Variants in TMEM132D observed in about 807,000 individuals in gnomAD.
TMEM132D encodes the protein mature OL transmembrane protein.
A neutral mutation model predicts 62.3 loss-of-function variants in TMEM132D; 21 were observed. The observed-to-expected ratio is 0.34, with a 90% CI of 0.24 to 0.49. The LOEUF is 0.49. Among genes scored for constraint, TMEM132D ranks in the 20% least tolerant of loss-of-function variants. TMEM132D has a pLI of 0.99. For synonymous variants in TMEM132D, 621 were observed against 575.6 expected (o/e 1.08, Z -1.13); for missense variants, 1,346 against 1,402.8 (o/e 0.96, Z 0.65).
intron 3 of TMEM132D, among the ~76,000 whole-genome samples, chr12:129,526,022 G>T (rs756571379): frequency 6.6e-6 from 1 of 152,122 alleles, no homozygotes; most frequent in Non-Finnish European, 1.5e-5. Flanking sequence ...TTCATTTAGT[G>T]GATAACAGCC....
chr12:129,735,029 G>A (rs902247208), intron 1 of TMEM132D, among the ~76,000 whole-genome samples: 5 of 151,920 alleles, frequency 3.3e-5, no homozygotes, highest in Non-Finnish European at 7.4e-5. Flanking sequence ...TTTACAGTAC[G>A]ACGACAAAAA....
At chr12:129,084,424 C>G in intron 6 of TMEM132D, 73 bp downstream of exon 6, 2 of 1,437,346 alleles carry the variant, frequency 1.4e-6, no homozygotes, top group South Asian at 2.9e-5. Context: ...ATCCTCAGAC[C>G]CAGTCATGCC....
intron 1 of TMEM132D, among the ~76,000 whole-genome samples, chr12:129,886,046 CTG>C (rs1322468691): frequency 6.6e-6 from 1 of 152,176 alleles, no homozygotes; most frequent in Non-Finnish European, 1.5e-5. Flanking sequence ...TTTCTCCTCA[CTG>C]TAAGATTCTC....
chr12:129,610,350 G>A (rs141774512), intron 2 of TMEM132D, among the ~76,000 whole-genome samples: 33 of 151,234 alleles, frequency 2.2e-4, no homozygotes, highest in Admixed American at 6.6e-4. Context: ...GAATTGACAC[G>A]TGCATTATAC....
intron 4 of TMEM132D, among the ~76,000 whole-genome samples, chr12:129,329,265 C>T (rs1869024249): frequency 6.6e-6 from 1 of 152,000 alleles, no homozygotes; most frequent in South Asian, 2.1e-4. Context: ...TCAACAAACA[C>T]ACAATGCAAG....
chr12:129,623,652 T>TATATATATATAC (rs1256759010), intron 2 of TMEM132D, among the ~76,000 whole-genome samples: 1 of 145,506 alleles, frequency 6.9e-6, no homozygotes, highest in Admixed American at 6.9e-5. Context: ...TGTATGTGTG[T>TATATATATATAC]ATATATATAT....
intron 3 of TMEM132D, among the ~76,000 whole-genome samples, chr12:129,516,622 C>T (rs774752790): frequency 9.2e-5 from 14 of 152,160 alleles, no homozygotes; most frequent in Non-Finnish European, 2.1e-4. Flanking sequence ...CCCACTGGGT[C>T]CTTCCCACAA....
At chr12:129,854,399 C>T (rs1279635829) in intron 1 of TMEM132D, among the ~76,000 whole-genome samples, 1 of 152,184 alleles carries the variant, frequency 6.6e-6, no homozygotes, top group Non-Finnish European at 1.5e-5. Context: ...AGCCCCAGAA[C>T]TCGGCACACA....
intron 4 of TMEM132D, among the ~76,000 whole-genome samples, chr12:129,270,717 A>G (rs1004605810): frequency 6.6e-6 from 1 of 152,176 alleles, no homozygotes; most frequent in African/African-American, 2.4e-5. Flanking sequence ...GTTAAGTCAC[A>G]AGAATTATGC....
At chr12:129,207,522 A>G (rs12321456) in intron 5 of TMEM132D, among the ~76,000 whole-genome samples, 3,391 of 152,256 alleles carry the variant, frequency 0.022, 131 homozygotes, top group African/African-American at 0.078. Context: ...CTTGGGGAGA[A>G]GATGAGGCGA....
rs566713707 is a variant in TMEM132D, at chr12:129,253,200, T to C, written c.1300-43537A>G. Among the ~76,000 whole-genome samples, 99 of 139,434 alleles carry C rather than the reference T, an allele frequency of 7.1e-4. 1 individual carries two copies. Among genetic ancestry groups the C allele is most frequent in the African/African-American group, 2.5e-3 (93 of 37,338 alleles). The allele number at this position is 139,434 out of a possible 152,430, so 91.5% of individuals were successfully genotyped here. On this transcript the variant is annotated intron_variant, in intron 4 of 8. Transcript: ENST00000422113. ...AAAACGTAAAGTAAAATAATAATAA[T>C]AAAATAAAATAAATAAAAATAAAAA...
At position 129,635,676 on chromosome 12, in the gene TMEM132D, C is replaced by T. The variant is rs145660986; in HGVS notation, c.968+64134G>A. Among the ~76,000 whole-genome samples the T allele has an allele frequency of 4.5e-4, 68 of 152,238 alleles. 1 individual carries two copies. Among genetic ancestry groups the T allele is most frequent in the African/African-American group, 1.6e-3 (68 of 41,526 alleles). On this transcript the variant is annotated intron_variant, in intron 2 of 8. Coordinates refer to ENST00000422113, the MANE Select transcript of TMEM132D (RefSeq NM_133448.3). ...AAGCAAGTTTTAGTTAATTAAGTTACGCAGAGATGACAATGAAATACTTGG... is the reference window on the plus strand; with the variant it reads ...AAGCAAGTTTTAGTTAATTAAGTTATGCAGAGATGACAATGAAATACTTGG...
At chr12:129,390,435 GC>G (rs1871260639) in intron 3 of TMEM132D, among the ~76,000 whole-genome samples, 1 of 71,486 alleles carries the variant, frequency 1.4e-5, no homozygotes, top group African/African-American at 5.4e-5. Context: ...TCTATGGCAA[GC>G]TGGCTGGAGT....
chr12:129,130,573 T>C (rs552559627), intron 5 of TMEM132D, among the ~76,000 whole-genome samples: 2 of 152,202 alleles, frequency 1.3e-5, no homozygotes, highest in East Asian at 3.9e-4. Flanking sequence ...AAACAAAAAG[T>C]CTTTTTCCAA....
chr12:129,717,493 TA>T, intron 1 of TMEM132D, among the ~76,000 whole-genome samples: 1 of 149,626 alleles, frequency 6.7e-6, no homozygotes, highest in Admixed American at 6.7e-5. Context: ...ATAAAATTAA[TA>T]AAAATATTTA....
chr12:129,490,800 C>G (rs1874766942), intron 3 of TMEM132D, among the ~76,000 whole-genome samples: 1 of 151,706 alleles, frequency 6.6e-6, no homozygotes, highest in South Asian at 2.1e-4. Flanking sequence ...TGACCTCAGT[C>G]CCAAATAGCA....
chr12:129,279,420 C>T (rs537222759), intron 4 of TMEM132D, among the ~76,000 whole-genome samples: 1 of 152,210 alleles, frequency 6.6e-6, no homozygotes, highest in East Asian at 1.9e-4. Context: ...GGACTTTTTA[C>T]TTATTTAGGA....
chr12:129,637,264 C>T (rs780071086), intron 2 of TMEM132D, among the ~76,000 whole-genome samples: 2 of 152,158 alleles, frequency 1.3e-5, no homozygotes, highest in African/African-American at 2.4e-5. Flanking sequence ...CTAAAATTTA[C>T]ACTGAAAAAC....
chr12:129,580,239 G>A (rs1026185836), intron 2 of TMEM132D, among the ~76,000 whole-genome samples: 13 of 152,118 alleles, frequency 8.5e-5, no homozygotes, highest in African/African-American at 2.4e-4. Context: ...AACTCGGGTC[G>A]AAAATAAGAC....
Sources: gnomAD v4.1 joint callset for allele counts (sites outside exome capture counted in the v4.1 genomes callset) on GRCh38, gnomAD v4.1.1 for gene constraint, MANE v1.5 for transcripts, NCBI Gene and HGNC (gene_info 2026-07-23, HGNC 2026-07-21) for gene names.